PRKN: variants seen among roughly 807,000 people sequenced by gnomAD.
PRKN encodes the protein parkin RBR E3 ubiquitin protein ligase.
PRKN carries 56 observed loss-of-function variants against 59.5 expected under a neutral mutation model. That is an observed-to-expected ratio of 0.94 (90% CI 0.76 to 1.18). PRKN has a LOEUF of 1.18. PRKN is among the 50% of genes most tolerant of loss of function. The probability of loss-of-function intolerance (pLI) is 0.00; values close to 1 mark genes in which losing one functional copy is unlikely to be tolerated. For missense variants in PRKN, 657 were observed against 596.4 expected (o/e 1.10, Z -1.06); for synonymous variants, 250 against 222.1 (o/e 1.13, Z -1.12).
intron 4 of PRKN, among the ~76,000 whole-genome samples, chr6:162,136,393 G>A (rs1367238544): frequency 1.3e-5 from 2 of 152,058 alleles, no homozygotes; most frequent in African/African-American, 2.4e-5. Flanking sequence ...ATCAGCCCAA[G>A]TAAGCCTTAG....
intron 7 of PRKN, among the ~76,000 whole-genome samples, chr6:161,679,741 CTTTTTTTTTTTTTTTTTTTT>C (rs745812196): frequency 1.3e-4 from 3 of 23,494 alleles, no homozygotes; most frequent in Non-Finnish European, 2.1e-4. Context: ...TCAGAGCCAG[CTTTTTTTTTTTTTTTTTTTT>C]TTTTTTTTTT....
intron 6 of PRKN, among the ~76,000 whole-genome samples, chr6:161,883,775 C>T (rs932933432): frequency 1.3e-5 from 2 of 152,070 alleles, no homozygotes; most frequent in Non-Finnish European, 2.9e-5. Flanking sequence ...GCCTCAGCCT[C>T]CCAAGTAGCT....
intron 1 of PRKN, among the ~76,000 whole-genome samples, chr6:162,574,440 A>C (rs113003960): frequency 0.061 from 9,314 of 152,240 alleles, 394 homozygotes; most frequent in Middle Eastern, 0.12. Context: ...TGATATTCTT[A>C]AGCCAACCAT....
intron 5 of PRKN, among the ~76,000 whole-genome samples, chr6:161,989,755 C>T (rs2128257729): frequency 6.6e-6 from 1 of 152,230 alleles, no homozygotes; most frequent in African/African-American, 2.4e-5. Context: ...GAGCACCTTC[C>T]AGGGCCCTGA....
rs1053839668 is a variant in PRKN at position 161,497,082 on chromosome 6, C to G, written c.1083+51772G>C. Among the ~76,000 whole-genome samples, 3 of 152,322 alleles carry G rather than the reference C, an allele frequency of 2.0e-5. No individual in the cohort carries two copies. The East Asian group carries it at 5.8e-4, about 29-fold the overall frequency. ...CCCGTCACAAACCTGCTGGCATGCC[C>G]GTTCCTCCTGGCTACGACTCCACAG... is the stretch of plus-strand genomic sequence containing the variant. On this transcript the variant is annotated intron_variant, in intron 9 of 11. Transcript: ENST00000366898. This position sits in a 1 kb window ranked among gnomAD's most constrained non-coding sequence, Gnocchi z 4.6.
At chr6:162,450,335 G>T (rs62430723) in intron 1 of PRKN, among the ~76,000 whole-genome samples, 2 of 93,690 alleles carry the variant, frequency 2.1e-5, no homozygotes, top group Admixed American at 1.1e-4. Context: ...AAACGCCCCT[G>T]TGATTGTAAT....
Position 161,530,759 on chromosome 6 carries a change from C to T in PRKN, c.1083+18095G>A, listed in dbSNP as rs1261943071. ...TCTCGAACTCCTGACCTCAGGTGAT[C>T]CGCCCGTATTGGCCTCCCAAAGTGC... On this transcript the variant is annotated intron_variant, in intron 9 of 11. Coordinates refer to ENST00000366898, the MANE Select transcript of PRKN (RefSeq NM_004562.3). The surrounding 1 kb of genome is among the most constrained non-coding windows in gnomAD (Gnocchi z 5.0). Among the ~76,000 whole-genome samples the T allele has an allele frequency of 6.6e-6, 1 of 151,818 alleles. No individual in the cohort carries two copies. The highest frequency in any genetic ancestry group is 1.5e-5 in the Non-Finnish European group (1 of 67,972).
chr6:162,652,092 C>T (rs951721383), intron 1 of PRKN, among the ~76,000 whole-genome samples: 1 of 152,162 alleles, frequency 6.6e-6, no homozygotes. Flanking sequence ...CAGACTTCTG[C>T]CCACTGGATG....
chr6:162,162,986 C>T (rs1482033354), intron 4 of PRKN, among the ~76,000 whole-genome samples: 3 of 148,424 alleles, frequency 2.0e-5, no homozygotes, highest in Non-Finnish European at 3.0e-5. Context: ...CCAGCCTGGG[C>T]GACAGAGCGA....
intron 2 of PRKN, among the ~76,000 whole-genome samples, chr6:162,282,482 A>G (rs567100609): frequency 3.6e-4 from 55 of 152,336 alleles, no homozygotes; most frequent in African/African-American, 1.2e-3. Flanking sequence ...CTATTAAGCT[A>G]TCTTGGCAGA....
chr6:161,983,768 AG>A (rs1190431542), intron 5 of PRKN, among the ~76,000 whole-genome samples: 6 of 87,894 alleles, frequency 6.8e-5, no homozygotes, highest in Non-Finnish European at 1.1e-4. Flanking sequence ...GGGTCGGGGG[AG>A]GGGGGAGGGA....
chr6:161,750,098 CATATATATATATAT>C (rs72125109), intron 7 of PRKN, among the ~76,000 whole-genome samples: 24,980 of 145,152 alleles, frequency 0.17, 2,343 homozygotes, highest in East Asian at 0.42. Context: ...ACACATAGGA[CATATATATATATAT>C]ATATATACAC....
intron 2 of PRKN, among the ~76,000 whole-genome samples, chr6:162,339,110 G>A (rs1266897598): frequency 2.7e-5 from 4 of 148,714 alleles, no homozygotes; most frequent in African/African-American, 7.5e-5. Flanking sequence ...CGCCCCGTCT[G>A]AGAAGTGAGG....
chr6:162,298,675 C>A (rs886230500), intron 2 of PRKN, among the ~76,000 whole-genome samples: 3 of 119,152 alleles, frequency 2.5e-5, no homozygotes, highest in African/African-American at 6.4e-5. Flanking sequence ...GACATATTTA[C>A]AATTCTTGGC....
intron 9 of PRKN, among the ~76,000 whole-genome samples, chr6:161,490,454 A>G (rs1777512936): frequency 7.3e-6 from 1 of 136,538 alleles, no homozygotes; most frequent in Non-Finnish European, 1.5e-5. Context: ...GCATGATCTC[A>G]ATCTCAGCTC....
intron 3 of PRKN, among the ~76,000 whole-genome samples, chr6:162,253,725 T>G (rs1779529557): frequency 6.6e-6 from 1 of 151,088 alleles, no homozygotes; most frequent in South Asian, 2.1e-4. Context: ...AATGGGAGAG[T>G]TAATGAAGTA....
At chr6:161,842,919 T>C (rs1291041744) in intron 6 of PRKN, among the ~76,000 whole-genome samples, 2 of 152,182 alleles carry the variant, frequency 1.3e-5, no homozygotes, top group African/African-American at 4.8e-5. Context: ...AGGCTGAATG[T>C]TAAGTTTTCT....
chr6:161,535,742 C>G (rs1049022094), intron 9 of PRKN, among the ~76,000 whole-genome samples: 2 of 152,058 alleles, frequency 1.3e-5, no homozygotes, highest in African/African-American at 4.8e-5. Context: ...AAAAGTGGAC[C>G]TGGGGCTGAG....
intron 4 of PRKN, among the ~76,000 whole-genome samples, chr6:162,123,483 G>T (rs576379868): frequency 6.6e-6 from 1 of 152,002 alleles, no homozygotes; most frequent in Admixed American, 6.6e-5. Flanking sequence ...CTTCTTTACC[G>T]CCACTAGTTA....
Sources: gnomAD v4.1 joint callset for allele counts (sites outside exome capture counted in the v4.1 genomes callset) on GRCh38, gnomAD v4.1.1 for gene constraint, Gnocchi (gnomAD v3.1) non-coding constraint, MANE v1.5 for transcripts, NCBI Gene and HGNC (gene_info 2026-07-23, HGNC 2026-07-21) for gene names.